The following WWTR1 variants were observed in gnomAD, a reference collection of about 807,000 sequenced individuals.
WWTR1 encodes the protein WW domain containing transcription regulator 1.
In WWTR1, 13 loss-of-function variants were observed where a neutral mutation model predicts 40.1. The observed-to-expected ratio is 0.32, with a 90% CI of 0.21 to 0.52. WWTR1 has a LOEUF of 0.52. WWTR1 is among the 20% of genes least tolerant of loss of function. The pLI, the probability that WWTR1 is intolerant of heterozygous loss-of-function variation, is 0.97. For missense variants in WWTR1, 436 were observed against 523.1 expected, an observed-to-expected ratio of 0.83 and a Z score of 1.63; for synonymous variants, 230 against 210.1, an observed-to-expected ratio of 1.09 and a Z score of -0.82.
rs140719430 is a variant in WWTR1, at chr3:149,590,903, G to C, written c.432-17903C>G. On this transcript the variant is annotated intron_variant, in intron 2 of 6. Transcript: ENST00000360632. ...CTGGAACAATATCTCCTGCAGGCTT[G>C]GTCCTCCTCTTGCTTCAATAACACA... Among the ~76,000 whole-genome samples the C allele has an allele frequency of 6.8e-3, 1,039 of 152,174 alleles. 10 individuals carry two copies. Among genetic ancestry groups the C allele is most frequent in the African/African-American group, 0.023 (939 of 41,502 alleles).
chr3:149,611,926 T>C (rs1739753687), intron 2 of WWTR1, among the ~76,000 whole-genome samples: 1 of 152,214 alleles, frequency 6.6e-6, no homozygotes, highest in South Asian at 2.1e-4. Context: ...CACTTCTATT[T>C]ACATTATTGC....
upstream of WWTR1, among the ~76,000 whole-genome samples, chr3:149,658,877 G>A (rs1360964499): frequency 1.3e-5 from 2 of 152,196 alleles, no homozygotes; most frequent in Non-Finnish European, 2.9e-5. Context: ...GGATTGGAAT[G>A]TCCCTGCCGC....
intron 2 of WWTR1, among the ~76,000 whole-genome samples, chr3:149,620,549 C>T (rs1480081537): frequency 7.2e-5 from 3 of 41,820 alleles, no homozygotes; most frequent in Non-Finnish European, 1.2e-4. Context: ...TTCTTCTGCA[C>T]CCCTCCTCCA....
intron 3 of WWTR1, among the ~76,000 whole-genome samples, chr3:149,559,148 GC>G (rs1356269350): frequency 2.0e-5 from 3 of 151,944 alleles, no homozygotes; most frequent in Admixed American, 6.6e-5. Context: ...ACAAAAATTT[GC>G]CAGGCGTAGT....
chr3:149,524,293 A>AAGAGACAT (rs1735188367), intron 6 of WWTR1, among the ~76,000 whole-genome samples: 2 of 151,868 alleles, frequency 1.3e-5, no homozygotes, highest in South Asian at 4.2e-4. Context: ...GGTTATTTTA[A>AAGAGACAT]AGAGACATAG....
chr3:149,551,238 C>T (rs1303532796), intron 3 of WWTR1, among the ~76,000 whole-genome samples: 1 of 143,928 alleles, frequency 6.9e-6, no homozygotes, highest in African/African-American at 2.7e-5. Context: ...CAGGAGGTTG[C>T]GGTGAGCCAA....
At chr3:149,615,123 G>C (rs565032486) in intron 2 of WWTR1, among the ~76,000 whole-genome samples, 1 of 152,346 alleles carries the variant, frequency 6.6e-6, no homozygotes, top group East Asian at 1.9e-4. Context: ...GTGCAGACCA[G>C]CATGTGGCAT....
intron 5 of WWTR1, among the ~76,000 whole-genome samples, chr3:149,713,493 G>T (rs557458157): frequency 6.6e-6 from 1 of 152,130 alleles, no homozygotes; most frequent in Admixed American, 6.5e-5. Flanking sequence ...CGATTCTCCT[G>T]CCTCAGCCTC....
chr3:149,695,815 A>G (rs1714969333), intron 1 of WWTR1, among the ~76,000 whole-genome samples: 1 of 145,060 alleles, frequency 6.9e-6, no homozygotes, highest in Non-Finnish European at 1.5e-5. Flanking sequence ...ATATATTTAA[A>G]AAAGATCACA....
At chr3:149,573,326 C>A (rs1397284203) in intron 2 of WWTR1, among the ~76,000 whole-genome samples, 2 of 152,110 alleles carry the variant, frequency 1.3e-5, no homozygotes, top group African/African-American at 4.8e-5. Flanking sequence ...TGCTTCTCAG[C>A]CATCCAATCA....
chr3:149,609,961 G>C (rs147172429), intron 2 of WWTR1, among the ~76,000 whole-genome samples: 2 of 152,184 alleles, frequency 1.3e-5, no homozygotes, highest in Non-Finnish European at 2.9e-5. Flanking sequence ...CAGGGGTTCT[G>C]TGTCATTTTC....
At chr3:149,530,550 CTAT>C (rs761387730) in intron 4 of WWTR1, among the ~76,000 whole-genome samples, 1 of 151,402 alleles carries the variant, frequency 6.6e-6, no homozygotes, top group Non-Finnish European at 1.5e-5. Flanking sequence ...CTAAACTTTC[CTAT>C]TAATTTAAAT....
At chr3:149,627,703 T>C (rs943293182) in intron 2 of WWTR1, among the ~76,000 whole-genome samples, 1 of 152,152 alleles carries the variant, frequency 6.6e-6, no homozygotes, top group African/African-American at 2.4e-5. Flanking sequence ...CCTTCCCTTC[T>C]CCTTATATTT....
At chr3:149,543,603 A>AAAAAAAG (rs57176662) in intron 3 of WWTR1, among the ~76,000 whole-genome samples, 1 of 148,646 alleles carries the variant, frequency 6.7e-6, no homozygotes, top group African/African-American at 2.5e-5. Flanking sequence ...AAAAAAAAAA[A>AAAAAAAG]GAACTTCACT....
intron 1 of WWTR1, among the ~76,000 whole-genome samples, chr3:149,695,985 C>T (rs1394887011): frequency 3.0e-4 from 45 of 149,180 alleles, no homozygotes; most frequent in Middle Eastern, 3.5e-3. Flanking sequence ...TGGTGGTGGG[C>T]GCCTGTAGTC....
Position 149,668,477 on chromosome 3 carries a change from G to A in WWTR1, c.-4+1311C>T, listed in dbSNP as rs113667552. Among the ~76,000 whole-genome samples the A allele has an allele frequency of 4.6e-3, 700 of 151,994 alleles. 6 individuals carry two copies. The highest frequency in any genetic ancestry group is 2.8e-3 in the Non-Finnish European group (192 of 67,970). On this transcript the variant is annotated intron_variant, in intron 2 of 7. Coordinates refer to the WWTR1 transcript ENST00000465804. ...CAAAAAATTAGCCGGGCATGGTGGCGGGCGCCTGTAATCCCAGCTGCTTAG... is the reference window on the plus strand; with the variant it reads ...CAAAAAATTAGCCGGGCATGGTGGCAGGCGCCTGTAATCCCAGCTGCTTAG...
chr3:149,682,821 G>A lies in WWTR1; in HGVS notation c.-107-12930C>T, dbSNP rs181420014. Among the ~76,000 whole-genome samples, 232 of 152,286 alleles carry A rather than the reference G, an allele frequency of 1.5e-3. 1 individual carries two copies. The highest frequency in any genetic ancestry group is 2.2e-3 in the Non-Finnish European group (147 of 68,008). On this transcript the variant is annotated intron_variant, in intron 1 of 7. Transcript: ENST00000465804. ...CCCTAGGTAGAAAGAGGATAATTTA[G>A]TATAAAAGTGGATTGAAGTAGATTT...
At chr3:149,579,051 T>C (rs183241280) in intron 2 of WWTR1, among the ~76,000 whole-genome samples, 26 of 152,318 alleles carry the variant, frequency 1.7e-4, no homozygotes, top group Admixed American at 1.7e-3. Flanking sequence ...GCTGGAAGCA[T>C]ACAAAGATAT....
intron 2 of WWTR1, among the ~76,000 whole-genome samples, chr3:149,598,706 A>C (rs957625372): frequency 6.6e-6 from 1 of 152,128 alleles, no homozygotes; most frequent in African/African-American, 2.4e-5. Flanking sequence ...AAAAACTTTC[A>C]TCAACATCAT....
Sources: gnomAD v4.1 joint callset for allele counts (sites outside exome capture counted in the v4.1 genomes callset) on GRCh38, gnomAD v4.1.1 for gene constraint, MANE v1.5 for transcripts, NCBI Gene and HGNC (gene_info 2026-07-23, HGNC 2026-07-21) for gene names.